Variants in TTBK2 observed in about 807,000 individuals in gnomAD.
TTBK2 encodes the protein tau-tubulin kinase 2.
A neutral mutation model predicts 110.8 loss-of-function variants in TTBK2; 28 were observed. That is an observed-to-expected ratio of 0.25 (90% confidence interval 0.19 to 0.35). The LOEUF is 0.35. Ranked by LOEUF, TTBK2 falls within the 10% of genes least tolerant of loss-of-function variation. TTBK2 has a pLI of 1.00. For synonymous variants in TTBK2, 532 were observed against 527.3 expected (o/e 1.01, Z -0.12); for missense variants, 1,369 against 1,500.3 (o/e 0.91, Z 1.45).
chr15:42,788,303 G>A (rs1382921369), intron 10 of TTBK2, among the ~76,000 whole-genome samples: 1 of 152,122 alleles, frequency 6.6e-6, no homozygotes, highest in African/African-American at 2.4e-5. Context: ...GTTTGTTTGT[G>A]ACCTAATACC....
At chr15:42,814,076 C>A (rs990652649) in intron 7 of TTBK2, among the ~76,000 whole-genome samples, 6 of 151,800 alleles carry the variant, frequency 4.0e-5, no homozygotes, top group Admixed American at 6.6e-5. Context: ...GGCTGGAGTG[C>A]GATGGGGCAC....
intron 10 of TTBK2, among the ~76,000 whole-genome samples, chr15:42,789,090 CT>C (rs991049319): frequency 7.2e-5 from 11 of 152,102 alleles, no homozygotes; most frequent in African/African-American, 2.2e-4. Context: ...ATGTCCAAGA[CT>C]TCTGAAAATA....
chr15:42,910,211 T>G (rs1196058920), intron 1 of TTBK2, among the ~76,000 whole-genome samples: 1 of 152,020 alleles, frequency 6.6e-6, no homozygotes, highest in Middle Eastern at 3.2e-3. Flanking sequence ...TAGAATAGAT[T>G]AGGCAACAAT....
In TTBK2 at chr15:42,810,698, G is replaced by A. The variant is rs1343850229; in HGVS notation, c.738C>T (p.Leu246=). ...ATTCTGGAGGGAGATGTTTCAACAT[G>A]AGCCTGTGGTCATATCTCTCCTTAA... ...GSIKERYDHR[L]MLKHLPPEFS... is the part of the protein sequence containing the mutation. The change falls in exon 9 of 15, where the codon CTC becomes CTT. Residue 246 remains leucine, a synonymous_variant. Coordinates refer to ENST00000267890, the MANE Select transcript of TTBK2 (RefSeq NM_173500.4). 7 of 1,613,794 alleles carry A rather than the reference G, an allele frequency of 4.3e-6. No homozygotes were observed. Among genetic ancestry groups the A allele is most frequent in the Non-Finnish European group, 5.1e-6 (6 of 1,179,926 alleles).
chr15:42,767,750 T>A (rs1288614975), intron 13 of TTBK2, among the ~76,000 whole-genome samples: 1 of 152,144 alleles, frequency 6.6e-6, no homozygotes, highest in Non-Finnish European at 1.5e-5. Context: ...GCACCCTCCC[T>A]AACTCATTTT....
chr15:42,797,811 G>GTA (rs148604835), intron 9 of TTBK2, among the ~76,000 whole-genome samples: 1,894 of 151,218 alleles, frequency 0.013, 19 homozygotes, highest in Non-Finnish European at 0.021. Flanking sequence ...ACATGTCTGT[G>GTA]TATATATATA....
intron 13 of TTBK2, among the ~76,000 whole-genome samples, chr15:42,763,167 T>TATAC (rs1889142921): frequency 3.6e-4 from 5 of 13,978 alleles, no homozygotes; most frequent in Non-Finnish European, 2.7e-4. Context: ...CATATATATA[T>TATAC]ATATATATAT....
At chr15:42,918,168 G>A (rs555882427) in intron 1 of TTBK2, among the ~76,000 whole-genome samples, 8 of 151,854 alleles carry the variant, frequency 5.3e-5, no homozygotes, top group African/African-American at 1.9e-4. Context: ...CTCAACCTCC[G>A]ATCCACCCCC....
intron 3 of TTBK2, among the ~76,000 whole-genome samples, chr15:42,868,852 C>T (rs912382856): frequency 6.8e-6 from 1 of 147,658 alleles, no homozygotes; most frequent in Non-Finnish European, 1.5e-5. Context: ...CAGAGTGAGA[C>T]CTTGTCTCAA....
intron 13 of TTBK2, among the ~76,000 whole-genome samples, chr15:42,760,555 T>G (rs980210351): frequency 2.6e-5 from 4 of 152,118 alleles, no homozygotes; most frequent in African/African-American, 9.7e-5. Context: ...ACCTACAGGA[T>G]CTACTAGATT....
chr15:42,759,366 C>G (rs1310175051), intron 13 of TTBK2, among the ~76,000 whole-genome samples: 2 of 152,228 alleles, frequency 1.3e-5, no homozygotes, highest in African/African-American at 2.4e-5. Flanking sequence ...ACCCCCAGGC[C>G]AGCTGAGCGG....
chr15:42,755,370 C>T (rs2061932239), intron 13 of TTBK2, among the ~76,000 whole-genome samples: 2 of 152,156 alleles, frequency 1.3e-5, no homozygotes, highest in African/African-American at 4.8e-5. Flanking sequence ...AGTCCAAAGA[C>T]ACCAAGAAAC....
intron 13 of TTBK2, among the ~76,000 whole-genome samples, chr15:42,770,769 A>T (rs1289362927): frequency 6.6e-6 from 1 of 152,188 alleles, no homozygotes. Flanking sequence ...AGTTAAACAG[A>T]TGGTAACCAA....
chr15:42,912,001 TAA>T (rs900129856), intron 1 of TTBK2, among the ~76,000 whole-genome samples: 23 of 151,928 alleles, frequency 1.5e-4, no homozygotes, highest in African/African-American at 5.6e-4. Context: ...CAAAAGCTCA[TAA>T]AGTCTTAAGA....
At chr15:42,848,059 T>C (rs1472519984) in intron 3 of TTBK2, among the ~76,000 whole-genome samples, 1 of 152,208 alleles carries the variant, frequency 6.6e-6, no homozygotes, top group Non-Finnish European at 1.5e-5. Context: ...CTAGGTGTTT[T>C]TTAATTGACA....
At chr15:42,763,943 T>C (rs987040658) in intron 13 of TTBK2, among the ~76,000 whole-genome samples, 9 of 152,306 alleles carry the variant, frequency 5.9e-5, no homozygotes, top group East Asian at 5.8e-4. Flanking sequence ...TTTCCAATTA[T>C]AAAAATTTTG....
chr15:42,830,694 T>G (rs1892721496), intron 4 of TTBK2, among the ~76,000 whole-genome samples: 1 of 151,462 alleles, frequency 6.6e-6, no homozygotes, highest in Admixed American at 6.6e-5. Context: ...TTATTTACAT[T>G]TATATTTATT....
chr15:42,867,417 A>C (rs540304351), intron 3 of TTBK2, among the ~76,000 whole-genome samples: 92 of 152,270 alleles, frequency 6.0e-4, no homozygotes, highest in African/African-American at 2.1e-3. Flanking sequence ...GAGAAAATTC[A>C]AAATATTTGC....
intron 14 of TTBK2, among the ~76,000 whole-genome samples, chr15:42,750,678 G>C (rs2061853463): frequency 6.6e-6 from 1 of 151,716 alleles, no homozygotes; most frequent in Non-Finnish European, 1.5e-5. Context: ...AAGAGAAAGA[G>C]GCAGAGAGAA....
Sources: allele counts gnomAD v4.1 joint callset (sites outside exome capture counted in the v4.1 genomes callset), GRCh38; gene constraint gnomAD v4.1.1; transcripts MANE v1.5; gene names NCBI Gene and HGNC (gene_info 2026-07-23, HGNC 2026-07-21).